EIPR1: variants seen among roughly 807,000 people sequenced by gnomAD.
EIPR1 encodes EARP and GARP complex-interacting protein 1.
Under a neutral mutation model 48.1 loss-of-function variants are expected in EIPR1, and 25 were observed. That is an observed-to-expected ratio of 0.52 (90% CI 0.38 to 0.73). The LOEUF is 0.73. EIPR1 is among the 30% of genes least tolerant of loss of function. EIPR1 has a pLI of 0.00. For synonymous variants in EIPR1, 204 were observed against 201.9 expected, an observed-to-expected ratio of 1.01 and a Z score of -0.09; for missense variants, 415 against 506.2, an observed-to-expected ratio of 0.82 and a Z score of 1.73.
At chr2:3,270,338 T>G (rs1192659818) in intron 3 of EIPR1, among the ~76,000 whole-genome samples, 1 of 152,188 alleles carries the variant, frequency 6.6e-6, no homozygotes, top group Non-Finnish European at 1.5e-5. Flanking sequence ...TGTGTCAGCG[T>G]GTGCCAGTGT....
At chr2:3,337,962 G>C (rs1572460780) in intron 3 of EIPR1, 55 bp downstream of exon 3, 1 of 1,547,964 alleles carries the variant, frequency 6.5e-7, no homozygotes, top group Non-Finnish European at 8.7e-7. Flanking sequence ...ACCCGTCTTA[G>C]GAAATACCTC....
At chr2:3,362,820 G>A (rs558005858) in intron 1 of EIPR1, among the ~76,000 whole-genome samples, 116 of 152,266 alleles carry the variant, frequency 7.6e-4, no homozygotes, top group African/African-American at 2.4e-3. Context: ...AGCCCCGCAC[G>A]CCCCAGGGAG....
At chr2:3,297,007 C>T (rs1404136344) in intron 3 of EIPR1, among the ~76,000 whole-genome samples, 2 of 151,506 alleles carry the variant, frequency 1.3e-5, no homozygotes, top group Non-Finnish European at 2.9e-5. Context: ...CTACTTCTCC[C>T]GGCACCCATC....
intron 5 of EIPR1, 70 bp from the exon 6 acceptor site, chr2:3,197,087 C>T (rs368408095): frequency 3.2e-5 from 49 of 1,551,668 alleles, no homozygotes; most frequent in East Asian, 1.4e-4. Context: ...TCAGAAAACG[C>T]GAGAGGATAT....
In EIPR1 at chr2:3,220,326, G is replaced by A. The variant is rs1268108448; in HGVS notation, c.417-6078C>T. Among the ~76,000 whole-genome samples, 2 of 151,840 alleles carry A rather than the reference G, an allele frequency of 1.3e-5. 1 individual carries two copies. The highest frequency in any genetic ancestry group is 4.2e-4 in the South Asian group (2 of 4,816). The stretch of plus-strand genomic sequence containing the variant: ...CACTAGAGCATTCACAGTGAGTCGG[G>A]GACACACGCACACAATGGCCATGGT... On this transcript the variant is annotated intron_variant, in intron 4 of 8. Coordinates refer to ENST00000382125, the MANE Select transcript of EIPR1 (RefSeq NM_003310.5).
chr2:3,205,641 T>C (rs1271657992), intron 5 of EIPR1, among the ~76,000 whole-genome samples: 1 of 152,198 alleles, frequency 6.6e-6, no homozygotes, highest in African/African-American at 2.4e-5. Context: ...CTAGTGCCCA[T>C]TTGAGAATGC....
chr2:3,283,731 G>T (rs1196828227), intron 3 of EIPR1, among the ~76,000 whole-genome samples: 1 of 152,150 alleles, frequency 6.6e-6, no homozygotes, highest in African/African-American at 2.4e-5. Context: ...ATCATTTGAG[G>T]TCAGGAGTTC....
intron 4 of EIPR1, among the ~76,000 whole-genome samples, chr2:3,229,824 T>G (rs1440810539): frequency 6.6e-6 from 1 of 152,252 alleles, no homozygotes; most frequent in South Asian, 2.1e-4. Context: ...CTTCAGCTCA[T>G]GTATGGTGGT....
At chr2:3,369,906 G>C (rs1414538236) in intron 1 of EIPR1, among the ~76,000 whole-genome samples, 1 of 152,168 alleles carries the variant, frequency 6.6e-6, no homozygotes, top group Non-Finnish European at 1.5e-5. Flanking sequence ...CACGCAGCTG[G>C]AGATCTGAGA....
chr2:3,352,495 C>T (rs1490833659), intron 2 of EIPR1, among the ~76,000 whole-genome samples: 1 of 152,180 alleles, frequency 6.6e-6, no homozygotes, highest in African/African-American at 2.4e-5. Flanking sequence ...AAGCTACCTG[C>T]CCCTGAGCCA....
At chr2:3,274,353 A>G in intron 3 of EIPR1, 1 of 1,550,590 alleles carries the variant, frequency 6.4e-7, no homozygotes, top group Non-Finnish European at 8.7e-7. Flanking sequence ...TGCCAGTGCT[A>G]TGAACAGTTG....
At chr2:3,243,460 T>C (rs1336899219) in intron 4 of EIPR1, among the ~76,000 whole-genome samples, 1 of 151,894 alleles carries the variant, frequency 6.6e-6, no homozygotes, top group Non-Finnish European at 1.5e-5. Context: ...TAAAACCCCA[T>C]CTCTACTAAA....
chr2:3,302,478 A>G (rs1193487760), intron 3 of EIPR1, among the ~76,000 whole-genome samples: 1 of 152,224 alleles, frequency 6.6e-6, no homozygotes, highest in Non-Finnish European at 1.5e-5. Flanking sequence ...TCCTCCCAGC[A>G]CCACACTCTC....
rs548245328 is a variant in EIPR1 at position 3,242,665 on chromosome 2, G to A, written c.416+14634C>T. On this transcript the variant is annotated intron_variant, in intron 4 of 8. Coordinates refer to ENST00000382125, the MANE Select transcript of EIPR1 (RefSeq NM_003310.5). ...ATTCCAAATGCTTCCTAAAACTCAA[G>A]TTTATTACTGTACTGAAGAAGGAGA... Among the ~76,000 whole-genome samples, 4 of 152,346 alleles carry A rather than the reference G, an allele frequency of 2.6e-5. No homozygotes were observed. The South Asian group carries it at 6.2e-4, about 24-fold the overall frequency.
chr2:3,296,062 C>T (rs1392017904), intron 3 of EIPR1, among the ~76,000 whole-genome samples: 1 of 120,780 alleles, frequency 8.3e-6, no homozygotes, highest in Admixed American at 8.2e-5. Flanking sequence ...CCATGCAGCC[C>T]TCCTCTCTCT....
intron 3 of EIPR1, among the ~76,000 whole-genome samples, chr2:3,327,638 T>TC (rs71386826): frequency 0.28 from 42,009 of 152,076 alleles, 7,797 homozygotes; most frequent in East Asian, 0.64. Context: ...GTAGCTACAA[T>TC]CCACTCATTT....
In EIPR1 at chr2:3,189,991, A is replaced by G. The variant is rs1459480190; in HGVS notation, c.990-483T>C. Among the ~76,000 whole-genome samples, 1 of 152,094 alleles carries G rather than the reference A, an allele frequency of 6.6e-6. No homozygotes were observed. The highest frequency in any genetic ancestry group is 1.5e-5 in the Non-Finnish European group (1 of 67,992). ...TGTAGGAGTCAGAGGCTGGGGCACA[A>G]GGAGCCTTGCTAGGATGGGAGTGGG... On this transcript the variant is annotated intron_variant, in intron 8 of 8. Transcript: ENST00000382125. The surrounding 1 kb of genome is among the most constrained non-coding windows in gnomAD (Gnocchi z 4.6).
chr2:3,269,851 C>T (rs1056469626), intron 3 of EIPR1, among the ~76,000 whole-genome samples: 1 of 152,228 alleles, frequency 6.6e-6, no homozygotes, highest in Non-Finnish European at 1.5e-5. Context: ...CTGCCCTTGG[C>T]GCAGCTGCAT....
rs1669028779 is a variant in EIPR1, at chr2:3,308,708, T to C, written c.259+29309A>G. Among the ~76,000 whole-genome samples, 6 of 152,280 alleles carry C rather than the reference T, an allele frequency of 3.9e-5. No homozygotes were observed. The South Asian group carries it at 1.2e-3, about 32-fold the overall frequency. ...ACCCCAAGAAAGCTATTCCAAGACA[T>C]GGCACGATTAGACTTCTGAAAACTA... On this transcript the variant is annotated intron_variant, in intron 3 of 8. Coordinates refer to ENST00000382125, the MANE Select transcript of EIPR1 (RefSeq NM_003310.5).
Sources: gnomAD v4.1 joint callset for allele counts (sites outside exome capture counted in the v4.1 genomes callset) on GRCh38, gnomAD v4.1.1 for gene constraint, Gnocchi (gnomAD v3.1) non-coding constraint, MANE v1.5 for transcripts, NCBI Gene and HGNC (gene_info 2026-07-23, HGNC 2026-07-21) for gene names.